RAMACL: variants seen among roughly 807,000 people sequenced by gnomAD.
The protein encoded by RAMACL is RNA guanine-N7 methyltransferase-activating subunit-like protein.
A neutral mutation model predicts 13.4 loss-of-function variants in RAMACL; 9 were observed. The observed-to-expected ratio is 0.67, with a 90% CI of 0.41 to 1.17. RAMACL has a LOEUF of 1.17. RAMACL is among the 50% of genes most tolerant of loss of function. The pLI, the probability that RAMACL is intolerant of heterozygous loss-of-function variation, is 0.01. For missense variants in RAMACL, 124 were observed against 141.6 expected (o/e 0.88, Z 0.63); for synonymous variants, 39 against 49.3 (o/e 0.79, Z 0.88).
exon 1 of RAMACL, chr6:166,586,318 T>C (rs1785172688): frequency 1.3e-6 from 2 of 1,599,374 alleles, no homozygotes; most frequent in Non-Finnish European, 1.7e-6. Flanking sequence ...CGATTGCCTC[T>C]GTTTCTTTGG....
chr6:166,586,132 C>A, exon 1 of RAMACL: 2 of 1,501,274 alleles, frequency 1.3e-6, no homozygotes, highest in Non-Finnish European at 1.8e-6. Context: ...CAGTAGTAAC[C>A]GTAAGGAGGC....
At chr6:166,586,025 T>C in exon 1 of RAMACL, 1 of 610,518 alleles carries the variant, frequency 1.6e-6, no homozygotes, top group Non-Finnish European at 2.5e-6. Flanking sequence ...ATCCATTCTG[T>C]AAAATCAGAT....
chr6:166,584,296 C>T (rs1162753884), downstream of RAMACL, among the ~76,000 whole-genome samples: 3 of 152,168 alleles, frequency 2.0e-5, no homozygotes, highest in African/African-American at 7.2e-5. Context: ...GACACTACTC[C>T]CATCGAATCA....
chr6:166,583,803 T>C (rs145979172), downstream of RAMACL, among the ~76,000 whole-genome samples: 2 of 152,204 alleles, frequency 1.3e-5, no homozygotes, highest in African/African-American at 4.8e-5. Context: ...CAGGAAGAAA[T>C]GTGCAAACTG....
chr6:166,586,314 C>T, exon 1 of RAMACL: 1 of 1,599,186 alleles, frequency 6.3e-7, no homozygotes, highest in South Asian at 1.1e-5. Context: ...CAACCGATTG[C>T]CTCTGTTTCT....
At chr6:166,586,516 A>G (rs1284539153) in exon 1 of RAMACL, 1 of 1,571,594 alleles carries the variant, frequency 6.4e-7, no homozygotes, top group East Asian at 2.2e-5. Context: ...TGTATTGCTT[A>G]ATGTTTAGGT....
At chr6:166,584,908 A>T (rs1284677915), downstream of RAMACL, among the ~76,000 whole-genome samples, 1 of 152,232 alleles carries the variant, frequency 6.6e-6, no homozygotes, top group Non-Finnish European at 1.5e-5. Context: ...TTAGCTAAAG[A>T]TTCAATCTGG....
At chr6:166,583,587 C>A (rs1445920411), downstream of RAMACL, among the ~76,000 whole-genome samples, 1 of 152,184 alleles carries the variant, frequency 6.6e-6, no homozygotes, top group South Asian at 2.1e-4. Context: ...AAAGGAGAGA[C>A]GCTCCTGATA....
downstream of RAMACL, among the ~76,000 whole-genome samples, chr6:166,583,088 C>T (rs1655121550): frequency 6.6e-6 from 1 of 152,146 alleles, no homozygotes; most frequent in South Asian, 2.1e-4. Flanking sequence ...ATTTCAATAT[C>T]AATTCTAATA....
downstream of RAMACL, among the ~76,000 whole-genome samples, chr6:166,584,290 C>T (rs1785105870): frequency 6.6e-6 from 1 of 152,236 alleles, no homozygotes; most frequent in African/African-American, 2.4e-5. Flanking sequence ...TCTGAGGACA[C>T]TACTCCCATC....
chr6:166,584,406 A>C (rs1360096123), downstream of RAMACL, among the ~76,000 whole-genome samples: 2 of 152,228 alleles, frequency 1.3e-5, no homozygotes, highest in Non-Finnish European at 2.9e-5. Flanking sequence ...AAATGTGAAC[A>C]TGGAGGGATA....
chr6:166,583,460 T>C (rs1785078946), downstream of RAMACL, among the ~76,000 whole-genome samples: 1 of 152,248 alleles, frequency 6.6e-6, no homozygotes. Flanking sequence ...AAGAAGCAGC[T>C]GGTGGTGGAG....
At chr6:166,586,081 A>G in exon 1 of RAMACL, 1 of 1,098,140 alleles carries the variant, frequency 9.1e-7, no homozygotes, top group South Asian at 1.6e-5. Flanking sequence ...TCTCATGGTA[A>G]CAGAGTAAAT....
downstream of RAMACL, among the ~76,000 whole-genome samples, chr6:166,585,077 G>A (rs1025835872): frequency 4.1e-5 from 6 of 144,844 alleles, no homozygotes; most frequent in African/African-American, 1.5e-4. Flanking sequence ...GTGTGGTGAC[G>A]ATGTTGCTAC....
At chr6:166,584,023 A>C (rs1217485865), downstream of RAMACL, among the ~76,000 whole-genome samples, 1 of 152,248 alleles carries the variant, frequency 6.6e-6, no homozygotes, top group African/African-American at 2.4e-5. Flanking sequence ...GTGCAACGAA[A>C]CAAGGTTAAT....
chr6:166,584,890 T>C (rs1345637128), downstream of RAMACL, among the ~76,000 whole-genome samples: 1 of 152,242 alleles, frequency 6.6e-6, no homozygotes, highest in South Asian at 2.1e-4. Context: ...GGGTTTACAA[T>C]AACAACATTA....
rs1785178647 is a variant in RAMACL at position 166,586,490 on chromosome 6, AAAGG to A, written c.-17_-14del. On this transcript the variant is annotated 5_prime_UTR_variant, in exon 1 of 1. It adds an upstream start codon to the 5' untranslated region. Transcript: ENST00000444122. ...CAGTGTCAGTCATTCTGAAAATCCC[AAAGG>A]TTTGAGGCAGCTGTATTGCTTAATG... 1 of 1,594,254 alleles carries A rather than the reference AAAGG, an allele frequency of 6.3e-7. No homozygotes were observed. Among genetic ancestry groups the A allele is most frequent in the Non-Finnish European group, 8.5e-7 (1 of 1,178,060 alleles).
chr6:166,584,046 C>G (rs73788054), downstream of RAMACL, among the ~76,000 whole-genome samples: 8,168 of 152,290 alleles, frequency 0.054, 737 homozygotes, highest in African/African-American at 0.19. Context: ...ATTTAAAATG[C>G]CTTGGTGTGT....
chr6:166,586,332 C>G (rs1218106053), exon 1 of RAMACL: 1 of 1,599,300 alleles, frequency 6.3e-7, no homozygotes, highest in African/African-American at 1.6e-5. Context: ...TCTTTGGTTC[C>G]CACCAGCTCT....
Sources: allele counts gnomAD v4.1 joint callset (sites outside exome capture counted in the v4.1 genomes callset), GRCh38; gene constraint gnomAD v4.1.1; transcripts MANE v1.5; gene names NCBI Gene and HGNC (gene_info 2026-07-23, HGNC 2026-07-21).